PCDHA7: variants seen among roughly 807,000 people sequenced by gnomAD.
PCDHA7 encodes the protein protocadherin alpha 7, also known as protocadherin alpha-7.
PCDHA7 carries 37 observed loss-of-function variants against 57.2 expected under a neutral mutation model. The observed-to-expected ratio is 0.65, with a 90% confidence interval of 0.50 to 0.85. The LOEUF (loss-of-function observed/expected upper bound fraction) is 0.85, where lower values mean the gene tolerates loss of function less well. PCDHA7 is among the 40% of genes least tolerant of loss of function. The pLI is 0.00. For synonymous variants in PCDHA7, 553 were observed against 558.8 expected, an observed-to-expected ratio of 0.99 and a Z score of 0.15; for missense variants, 1,188 against 1,241.8, an observed-to-expected ratio of 0.96 and a Z score of 0.65.
chr5:140,838,097 T>G (rs1554136886), intron 1 of PCDHA7, among the ~76,000 whole-genome samples: 1 of 147,214 alleles, frequency 6.8e-6, no homozygotes, highest in African/African-American at 2.6e-5. Context: ...TGTGTGTGTG[T>G]GTGTGTGTGT....
chr5:141,004,369 C>T (rs1239142670), intron 3 of PCDHA7, among the ~76,000 whole-genome samples: 1 of 152,324 alleles, frequency 6.6e-6, no homozygotes, highest in South Asian at 2.1e-4. Context: ...ACACCTTGTT[C>T]TGCTCTGCGG....
chr5:140,947,229 GA>G lies in PCDHA7; in HGVS notation c.2356-31711del, dbSNP rs201242412. On this transcript the variant is annotated intron_variant, in intron 1 of 3. Transcript: ENST00000525929. ...AAGAAAATCCTGTCATTTATGACAGGAAAAAAAAATAAGATAATCCAATGTA... is the reference window on the plus strand; with the variant it reads ...AAGAAAATCCTGTCATTTATGACAGGAAAAAAAATAAGATAATCCAATGTA... 1.0e-3 allele frequency among the ~76,000 whole-genome samples: 154 copies of G among 148,902 alleles called. 1 individual carries two copies. The highest frequency in any genetic ancestry group is 8.9e-3 in the Admixed American group (133 of 14,994).
chr5:140,950,279 C>G (rs938821559), intron 1 of PCDHA7, among the ~76,000 whole-genome samples: 11 of 151,924 alleles, frequency 7.2e-5, no homozygotes, highest in African/African-American at 2.4e-4. Flanking sequence ...TGTCTTTTTG[C>G]TTCAACCTGA....
rs2098417657 is a variant in PCDHA7, at chr5:141,010,566, C to T, written c.*629C>T. 3.4e-6 allele frequency: 1 copy of T among 290,180 alleles called. No individual in the cohort carries two copies. The highest frequency in any genetic ancestry group is 6.5e-6 in the Non-Finnish European group (1 of 154,226). The allele number at this position is 290,180 out of a possible 1,614,324, so 18.0% of individuals were successfully genotyped here. ...GACAAAACTACCCCCACTGACAAGG[C>T]TTTAGGAGACCCTAAAGTCTGTTGG... On this transcript the variant is annotated 3_prime_UTR_variant, in exon 4 of 4. Coordinates refer to ENST00000525929, the MANE Select transcript of PCDHA7 (RefSeq NM_018910.3).
At chr5:140,902,403 T>G (rs1554190429) in intron 1 of PCDHA7, among the ~76,000 whole-genome samples, 1 of 152,102 alleles carries the variant, frequency 6.6e-6, no homozygotes, top group African/African-American at 2.4e-5. Flanking sequence ...TTGAATACTA[T>G]GTTGAATAAC....
At chr5:140,857,501 G>A in intron 1 of PCDHA7, 1 of 1,598,358 alleles carries the variant, frequency 6.3e-7, no homozygotes, top group Non-Finnish European at 8.6e-7. Context: ...GGACGCGCAG[G>A]AGAACGCCCT....
At chr5:140,898,664 G>C (rs1360946717) in intron 1 of PCDHA7, among the ~76,000 whole-genome samples, 1 of 152,190 alleles carries the variant, frequency 6.6e-6, no homozygotes, top group Non-Finnish European at 1.5e-5. Flanking sequence ...GATTGACTTG[G>C]TGTTGCGGGC....
At chr5:140,896,116 A>G (rs2065393833) in intron 1 of PCDHA7, among the ~76,000 whole-genome samples, 1 of 152,044 alleles carries the variant, frequency 6.6e-6, no homozygotes, top group Admixed American at 6.6e-5. Context: ...TGGCCAATGT[A>G]CTGCATTTTA....
chr5:140,874,129 GTTATC>G (rs1339746498), intron 1 of PCDHA7, among the ~76,000 whole-genome samples: 2 of 151,518 alleles, frequency 1.3e-5, no homozygotes, highest in Non-Finnish European at 2.9e-5. Flanking sequence ...GTTTATTTAA[GTTATC>G]TTATACTTGT....
At chr5:140,982,202 G>A (rs2096970508) in intron 2 of PCDHA7, 2 of 405,606 alleles carry the variant, frequency 4.9e-6, no homozygotes, top group Non-Finnish European at 8.1e-6. Context: ...GTTAGATTTA[G>A]TGAGCGCCAC....
chr5:140,937,785 G>T (rs962276976), intron 1 of PCDHA7, among the ~76,000 whole-genome samples: 2 of 150,438 alleles, frequency 1.3e-5, no homozygotes, highest in African/African-American at 4.9e-5. Flanking sequence ...GGTGGCGGGC[G>T]TATGTAGTCC....
At chr5:140,900,956 C>G (rs2068392622) in intron 1 of PCDHA7, among the ~76,000 whole-genome samples, 1 of 152,160 alleles carries the variant, frequency 6.6e-6, no homozygotes, top group African/African-American at 2.4e-5. Flanking sequence ...CTCTGATTAT[C>G]AGTGATGTTG....
Position 140,835,577 on chromosome 5 carries a change from G to T in PCDHA7, c.1194G>T (p.Val398=), listed in dbSNP as rs1554135077. Residue 398 remains valine, a synonymous_variant, in exon 1 of 4, where the codon GTG becomes GTT. Coordinates refer to ENST00000525929, the MANE Select transcript of PCDHA7 (RefSeq NM_018910.3). ...CGCCCCGCGTTCCCTTCAAGTTGGT[G>T]TCCACCTTCAAGAATTACTATTCAT... ...SLTPRVPFKL[V]STFKNYYSLV... 6.2e-7 allele frequency: 1 copy of T among 1,613,890 alleles called. No homozygotes were observed. The highest frequency in any genetic ancestry group is 8.5e-7 in the Non-Finnish European group (1 of 1,179,866).
intron 1 of PCDHA7, among the ~76,000 whole-genome samples, chr5:140,932,418 ATTG>A (rs1457931424): frequency 1.3e-5 from 2 of 151,928 alleles, no homozygotes; most frequent in African/African-American, 4.8e-5. Context: ...ATATTAGTGT[ATTG>A]TTCACCTGGA....
At chr5:140,967,092 C>A (rs782344374) in intron 1 of PCDHA7, 4 of 1,613,156 alleles carry the variant, frequency 2.5e-6, no homozygotes, top group Non-Finnish European at 2.5e-6. Context: ...GATCGGGAGG[C>A]GCTGTGTGAG....
chr5:140,994,317 T>A (rs1053879490), intron 3 of PCDHA7, among the ~76,000 whole-genome samples: 7 of 152,086 alleles, frequency 4.6e-5, no homozygotes, highest in African/African-American at 1.7e-4. Flanking sequence ...GCCCAAACAC[T>A]CTCAGCAACC....
At chr5:140,864,459 C>CT (rs1474178285) in intron 1 of PCDHA7, 1 of 152,180 alleles carries the variant, frequency 6.6e-6, no homozygotes, top group Non-Finnish European at 1.5e-5. Context: ...CAATATCCAT[C>CT]TTTTTTGAGA....
At chr5:140,921,022 T>C (rs990627966) in intron 1 of PCDHA7, among the ~76,000 whole-genome samples, 6 of 152,094 alleles carry the variant, frequency 3.9e-5, no homozygotes, top group Admixed American at 6.6e-5. Context: ...CTATGTTTTC[T>C]AGACTGGGGT....
chr5:140,858,574 T>C (rs1415497561), intron 1 of PCDHA7: 12 of 1,357,674 alleles, frequency 8.8e-6, no homozygotes, highest in Non-Finnish European at 1.0e-5. Context: ...GTGATACCTT[T>C]GTAATATAAT....
Sources: gnomAD v4.1 joint callset for allele counts (sites outside exome capture counted in the v4.1 genomes callset) on GRCh38, gnomAD v4.1.1 for gene constraint, MANE v1.5 for transcripts, NCBI Gene and HGNC (gene_info 2026-07-23, HGNC 2026-07-21) for gene names.